CLMN: variants seen among roughly 807,000 people sequenced by gnomAD.
CLMN encodes calmin.
A neutral mutation model predicts 92.7 loss-of-function variants in CLMN; 57 were observed. The observed-to-expected ratio is 0.61, with a 90% CI of 0.50 to 0.77. The LOEUF (loss-of-function observed/expected upper bound fraction) is 0.77. Ranked by LOEUF, CLMN falls within the 30% of genes least tolerant of loss-of-function variation. The pLI, the probability that CLMN is intolerant of heterozygous loss-of-function variation, is 0.00. For synonymous variants in CLMN, 466 were observed against 470.6 expected, an observed-to-expected ratio of 0.99 and a Z score of 0.13; for missense variants, 1,158 against 1,237.5, an observed-to-expected ratio of 0.94 and a Z score of 0.96.
rs752808525 is a variant in CLMN at position 95,194,536 on chromosome 14, C to T, written c.2769G>A (p.Ser923=). Residue 923 remains serine (S), a splice_region_variant and synonymous_variant, in exon 11 of 13, where the codon TCG becomes TCA. Coordinates refer to ENST00000298912, the MANE Select transcript of CLMN (RefSeq NM_024734.4). This position sits in a 1 kb window ranked among gnomAD's most constrained non-coding sequence, Gnocchi z 4.0. ...AAAGAGAAGAAATTCACATACTAAC[C>T]GATTCCGAAGACCTATGAGTATGTC... ...LRRHTHRSSE[S]DHFSYVQLRN... is the part of the protein sequence containing the mutation. 6.2e-6 allele frequency: 10 copies of T among 1,614,010 alleles called. No individual in the cohort carries two copies. The highest frequency in any genetic ancestry group is 2.2e-5 in the East Asian group (1 of 44,896).
intron 7 of CLMN, 146 bp from the exon 8 acceptor site, chr14:95,209,623 G>A: frequency 1.5e-6 from 1 of 666,262 alleles, no homozygotes; most frequent in South Asian, 1.7e-5. Context: ...AGGCTCAAAG[G>A]TGGTGAATCA....
chr14:95,215,947 A>G (rs1382638562), intron 4 of CLMN, among the ~76,000 whole-genome samples: 3 of 152,118 alleles, frequency 2.0e-5, no homozygotes, highest in Non-Finnish European at 4.4e-5. Context: ...CATACACAGC[A>G]CTTACCATAT....
At position 95,203,564 on chromosome 14, in the gene CLMN, A is replaced by G; in HGVS notation, c.1785T>C (p.Ala595=). The change falls in exon 9 of 13, where the codon GCT becomes GCC. Residue 595 remains alanine (A), a synonymous_variant. Transcript: ENST00000298912. ...SPHETKPDED[A]EAFENHAEKL... is the part of the protein sequence containing the mutation. ...TTTCAGCATGATTCTCAAAAGCCTCAGCATCCTCGTCAGGTTTTGTCTCAT... is the reference window on the plus strand; with the variant it reads ...TTTCAGCATGATTCTCAAAAGCCTCGGCATCCTCGTCAGGTTTTGTCTCAT... 1 of 1,614,186 alleles carries G rather than the reference A, an allele frequency of 6.2e-7. No homozygotes were observed. Among genetic ancestry groups the G allele is most frequent in the East Asian group, 2.2e-5 (1 of 44,890 alleles).
chr14:95,248,449 G>A (rs1898658037), intron 1 of CLMN, among the ~76,000 whole-genome samples: 1 of 152,166 alleles, frequency 6.6e-6, no homozygotes, highest in African/African-American at 2.4e-5. Flanking sequence ...ATGAGAGCGA[G>A]GTTTGAACCC....
intron 1 of CLMN, among the ~76,000 whole-genome samples, chr14:95,249,872 C>T (rs1032121228): frequency 3.3e-5 from 5 of 152,194 alleles, no homozygotes; most frequent in African/African-American, 1.2e-4. Context: ...AGCAATCTTC[C>T]TGGTTTAAAA....
intron 2 of CLMN, among the ~76,000 whole-genome samples, chr14:95,224,200 T>C (rs1243172730): frequency 6.6e-6 from 1 of 152,218 alleles, no homozygotes; most frequent in Non-Finnish European, 1.5e-5. Flanking sequence ...CTTGACTACA[T>C]CCTTCTGTAG....
At chr14:95,266,162 G>A (rs1899465848) in intron 1 of CLMN, among the ~76,000 whole-genome samples, 1 of 152,232 alleles carries the variant, frequency 6.6e-6, no homozygotes, top group Non-Finnish European at 1.5e-5. Flanking sequence ...GATGTCCACT[G>A]TCATTACTTT....
At chr14:95,276,338 T>C (rs948222046) in intron 1 of CLMN, among the ~76,000 whole-genome samples, 4 of 152,216 alleles carry the variant, frequency 2.6e-5, no homozygotes, top group Non-Finnish European at 1.5e-5. Context: ...TGCCACAGGA[T>C]GTTAGCCGCT....
chr14:95,267,044 A>C (rs1899500375), intron 1 of CLMN, among the ~76,000 whole-genome samples: 1 of 152,202 alleles, frequency 6.6e-6, no homozygotes, highest in Non-Finnish European at 1.5e-5. Flanking sequence ...AATGAACTAA[A>C]GACTTTAAGA....
At chr14:95,213,518 A>G in intron 5 of CLMN, 109 bp from the exon 6 acceptor site, 2 of 1,005,884 alleles carry the variant, frequency 2.0e-6, no homozygotes, top group Non-Finnish European at 1.4e-6. Flanking sequence ...CGGCTCAGGC[A>G]GGATTGCTTC....
At chr14:95,306,825 G>C (rs1901299687) in intron 1 of CLMN, among the ~76,000 whole-genome samples, 1 of 152,190 alleles carries the variant, frequency 6.6e-6, no homozygotes, top group Non-Finnish European at 1.5e-5. Flanking sequence ...TGGGGAAGTT[G>C]AGAGGAGGCA....
intron 1 of CLMN, among the ~76,000 whole-genome samples, chr14:95,309,992 A>G (rs887190113): frequency 8.6e-4 from 131 of 152,342 alleles, no homozygotes; most frequent in African/African-American, 3.0e-3. Context: ...CCTTCTCGAG[A>G]TTCCAGAATC....
At chr14:95,227,728 C>A (rs1193389343) in intron 2 of CLMN, among the ~76,000 whole-genome samples, 2 of 152,324 alleles carry the variant, frequency 1.3e-5, no homozygotes, top group Non-Finnish European at 2.9e-5. Flanking sequence ...GCTCTGTGGG[C>A]TTCATGAGAT....
intron 1 of CLMN, among the ~76,000 whole-genome samples, chr14:95,231,627 G>A (rs1897892826): frequency 6.6e-6 from 1 of 152,182 alleles, no homozygotes; most frequent in Admixed American, 6.5e-5. Context: ...CCCCTGCAAA[G>A]TACAAACTAT....
At position 95,261,210 on chromosome 14, in the gene CLMN, T is replaced by C. The variant is rs867333433; in HGVS notation, c.83-31077A>G. Reference sequence around the variant, plus strand: ...ACAAATGCAAAAAAAAAAAAAAAAGTGGCACTAAGTAAGCTGTGGAAAGGA... The same window carrying C: ...ACAAATGCAAAAAAAAAAAAAAAAGCGGCACTAAGTAAGCTGTGGAAAGGA... On this transcript the variant is annotated intron_variant, in intron 1 of 12. Coordinates refer to ENST00000298912, the MANE Select transcript of CLMN (RefSeq NM_024734.4). Among the ~76,000 whole-genome samples the C allele has an allele frequency of 1.2e-3, 142 of 121,382 alleles. No individual in the cohort carries two copies. In the Middle Eastern group the frequency reaches 0.018, roughly 15 times the overall value. 79.6% of individuals were successfully genotyped at this position (121,382 alleles called of 152,430 possible).
In CLMN at chr14:95,193,859, T is replaced by C. The variant is rs1487320395; in HGVS notation, c.2830A>G (p.Ile944Val). 41 of 1,614,004 alleles carry C rather than the reference T, an allele frequency of 2.5e-5. No individual in the cohort carries two copies. The highest frequency in any genetic ancestry group is 3.3e-5 in the Non-Finnish European group (39 of 1,180,038). Residue 944 changes from isoleucine (I) to valine (V), a missense_variant, in exon 12 of 13, where the codon ATA becomes GTA. Physicochemically the swap from Ile to Val is conservative, Grantham distance 29. Coordinates refer to ENST00000298912, the MANE Select transcript of CLMN (RefSeq NM_024734.4). ...AADLDDRRNR[I>V]LTRKANSSGE... ...AGTAAAGCCACCAACCTGGTTAATATTCGGTTTCTTCTGTCATCCAGATCT... is the reference window on the plus strand; with the variant it reads ...AGTAAAGCCACCAACCTGGTTAATACTCGGTTTCTTCTGTCATCCAGATCT...
intron 1 of CLMN, among the ~76,000 whole-genome samples, chr14:95,251,335 C>A (rs908315549): frequency 7.2e-5 from 11 of 152,214 alleles, no homozygotes; most frequent in African/African-American, 2.7e-4. Context: ...CACCGGCCAA[C>A]CCTATAAAAT....
At chr14:95,218,567 G>A (rs567308350) in intron 4 of CLMN, among the ~76,000 whole-genome samples, 1 of 152,346 alleles carries the variant, frequency 6.6e-6, no homozygotes, top group South Asian at 2.1e-4. Flanking sequence ...GCCTGTTGGG[G>A]ACAGTGGGCT....
chr14:95,298,740 T>C (rs1346438085), intron 1 of CLMN, among the ~76,000 whole-genome samples: 2 of 152,184 alleles, frequency 1.3e-5, no homozygotes, highest in Non-Finnish European at 2.9e-5. Flanking sequence ...GAAGTGACCG[T>C]GAAATGGAGA....
Sources: allele counts gnomAD v4.1 joint callset (sites outside exome capture counted in the v4.1 genomes callset), GRCh38; gene constraint gnomAD v4.1.1; non-coding constraint Gnocchi (gnomAD v3.1); transcripts MANE v1.5; gene names NCBI Gene and HGNC (gene_info 2026-07-23, HGNC 2026-07-21).